The following MCM9 variants were observed in gnomAD, a reference collection of about 807,000 sequenced individuals.
MCM9 encodes DNA helicase MCM9.
MCM9 carries 55 observed loss-of-function variants against 72.8 expected under a neutral mutation model. The ratio of observed to expected loss-of-function variants is 0.76; its 90% CI spans 0.61 to 0.95. The LOEUF (loss-of-function observed/expected upper bound fraction) is 0.95, where lower values mean the gene tolerates loss of function less well. Ranked by LOEUF, MCM9 falls within the 40% of genes least tolerant of loss-of-function variation. MCM9 has a pLI of 0.00. For synonymous variants in MCM9, 480 were observed against 503.4 expected (o/e 0.95, Z 0.62); for missense variants, 1,279 against 1,377.0 (o/e 0.93, Z 1.13).
rs549202343 is a variant in MCM9 at position 118,829,373 on chromosome 6, T to C, written c.1326-123A>G. The C allele has an allele frequency of 8.7e-5, 74 of 846,244 alleles. No individual in the cohort carries two copies. In the African/African-American group the frequency reaches 1.2e-3, roughly 14 times the overall value. 52.4% of individuals were successfully genotyped at this position (846,244 alleles called of 1,614,324 possible). A position where few individuals can be genotyped will look rare whatever the true frequency, so the allele number is the denominator to read the frequency against. On this transcript the variant is annotated intron_variant, in intron 9 of 13. Coordinates refer to ENST00000619706, the MANE Select transcript of MCM9 (RefSeq NM_017696.3). ...ATCTACGAACTCCTATGAAAGAAAA[T>C]GTAGAATGACAGAAGGAGATATCAC...
intron 8 of MCM9, among the ~76,000 whole-genome samples, chr6:118,859,545 A>G (rs749872287): frequency 7.2e-5 from 11 of 152,364 alleles, no homozygotes; most frequent in Middle Eastern, 6.8e-3. Context: ...TCATGAGCAT[A>G]AACTTTTATG....
intron 2 of MCM9, among the ~76,000 whole-genome samples, 155 bp from the exon 3 acceptor site, chr6:118,931,893 C>T (rs889775009): frequency 6.6e-6 from 1 of 152,186 alleles, no homozygotes; most frequent in Non-Finnish European, 1.5e-5. Context: ...TCTGAATTAT[C>T]TGTTACAGTC....
chr6:118,816,011 C>G lies in MCM9; in HGVS notation c.2245G>C (p.Ala749Pro), dbSNP rs561450582. Residue 749 changes from alanine to proline, a missense_variant, in exon 14 of 14, where the codon GCA becomes CCA. Coordinates refer to ENST00000619706, the MANE Select transcript of MCM9 (RefSeq NM_017696.3). ...DDSLDWFDFM[A>P]THQSEPKNTV... ...TTTTTAGGTTCACTCTGATGAGTTG[C>G]CATGAAATCAAACCAATCTAAACTG... 1.9e-6 allele frequency: 3 copies of G among 1,550,502 alleles called. No homozygotes were observed. In the African/African-American group the frequency reaches 4.1e-5, roughly 21 times the overall value.
intron 8 of MCM9, among the ~76,000 whole-genome samples, chr6:118,904,896 A>C (rs750018330): frequency 4.6e-5 from 7 of 152,150 alleles, no homozygotes; most frequent in Non-Finnish European, 1.0e-4. Context: ...GGAGTGCAGT[A>C]GTGCGATCTC....
rs896044432 is a variant in MCM9 at position 118,935,085 on chromosome 6, T to G, written c.-344A>C. The stretch of plus-strand genomic sequence containing the variant: ...TCGGGCGGCCTAGCGCCTGCGGCTC[T>G]GCCGGGCCTGCGCTCTCGACCGACG... On this transcript the variant is annotated 5_prime_UTR_variant, in exon 1 of 14. Transcript: ENST00000619706. The G allele has an allele frequency of 6.6e-6, 1 of 152,032 alleles. No individual in the cohort carries two copies. Among genetic ancestry groups the G allele is most frequent in the African/African-American group, 2.4e-5 (1 of 41,410 alleles). 9.4% of individuals were successfully genotyped at this position (152,032 alleles called of 1,614,324 possible). A position where few individuals can be genotyped will look rare whatever the true frequency, so the allele number is the denominator to read the frequency against.
At chr6:118,906,998 A>G (rs1034212493) in intron 8 of MCM9, among the ~76,000 whole-genome samples, 2 of 152,224 alleles carry the variant, frequency 1.3e-5, no homozygotes, top group African/African-American at 2.4e-5. Flanking sequence ...ACCATTAATA[A>G]TAAGTTGTAT....
chr6:118,821,189 A>C (rs1468062194), intron 13 of MCM9, among the ~76,000 whole-genome samples: 1 of 152,142 alleles, frequency 6.6e-6, no homozygotes, highest in African/African-American at 2.4e-5. Context: ...GTCAATTTGC[A>C]CATTAGTTGA....
chr6:118,911,048 T>A (rs1160861947), intron 8 of MCM9: 4 of 983,530 alleles, frequency 4.1e-6, no homozygotes, highest in Non-Finnish European at 4.8e-6. Context: ...ACATATTTTT[T>A]AAAATAATTT....
intron 9 of MCM9, among the ~76,000 whole-genome samples, chr6:118,831,814 A>G (rs1316453781): frequency 6.6e-6 from 1 of 152,192 alleles, no homozygotes; most frequent in Non-Finnish European, 1.5e-5. Context: ...TACATTTTTA[A>G]TATCAAGCAA....
At chr6:118,867,276 C>T (rs1272803697) in intron 8 of MCM9, among the ~76,000 whole-genome samples, 1 of 152,012 alleles carries the variant, frequency 6.6e-6, no homozygotes, top group East Asian at 1.9e-4. Context: ...AACAGTGGTC[C>T]CATAAAATTA....
intron 9 of MCM9, among the ~76,000 whole-genome samples, chr6:118,837,887 T>C (rs950342280): frequency 4.1e-4 from 62 of 152,346 alleles, no homozygotes; most frequent in African/African-American, 1.4e-3. Context: ...TATGTGTGAA[T>C]TTGATCCTGT....
At chr6:118,846,176 C>G (rs1212771011) in intron 9 of MCM9, among the ~76,000 whole-genome samples, 2 of 151,780 alleles carry the variant, frequency 1.3e-5, no homozygotes, top group Non-Finnish European at 2.9e-5. Flanking sequence ...TACTTATAGC[C>G]ATACTTCAAC....
intron 8 of MCM9, among the ~76,000 whole-genome samples, chr6:118,906,961 A>G (rs1462955159): frequency 1.3e-5 from 2 of 152,216 alleles, no homozygotes; most frequent in Non-Finnish European, 2.9e-5. Flanking sequence ...GTTTCTAAGA[A>G]TGAGCCATCT....
chr6:118,914,111 G>A (rs1445531028), intron 6 of MCM9, among the ~76,000 whole-genome samples: 2 of 152,190 alleles, frequency 1.3e-5, no homozygotes, highest in South Asian at 2.1e-4. Flanking sequence ...CATTTGCTCT[G>A]AGCAGTCTGG....
chr6:118,815,656 G>C lies in MCM9; in HGVS notation c.2600C>G (p.Pro867Arg), dbSNP rs1459997124. ...QKLCRNSTRV[P>R]AQCTVPSHPQ... ...ATGGGAAGGGACTGTGCACTGTGCA[G>C]GCACCCTGGTGCTATTTCTGCACAA... Residue 867 changes from proline (P) to arginine (R), a missense_variant, in exon 14 of 14, where the codon CCT (proline) becomes CGT (arginine). By Grantham distance (103) the Pro-to-Arg change is moderately radical (BLOSUM62 -2). Transcript: ENST00000619706. The C allele has an allele frequency of 6.5e-7, 1 of 1,550,018 alleles. No individual in the cohort carries two copies.
At chr6:118,898,949 C>T (rs774141744) in intron 8 of MCM9, among the ~76,000 whole-genome samples, 2 of 152,010 alleles carry the variant, frequency 1.3e-5, no homozygotes, top group African/African-American at 2.4e-5. Context: ...AATTTTTATC[C>T]TGCCTATTCA....
At chr6:118,870,237 G>A (rs145678929) in intron 8 of MCM9, among the ~76,000 whole-genome samples, 11,625 of 152,114 alleles carry the variant, frequency 0.076, 685 homozygotes, top group East Asian at 0.19. Flanking sequence ...TCTCCAAGAC[G>A]CATCACATGT....
At chr6:118,905,909 T>A in intron 8 of MCM9, 1 of 1,053,624 alleles carries the variant, frequency 9.5e-7, no homozygotes, top group Non-Finnish European at 1.3e-6. Context: ...CATAGTATAC[T>A]ATTAAAATGG....
Position 118,846,345 on chromosome 6 carries a change from C to G in MCM9, c.1325+10026G>C, listed in dbSNP as rs189042701. On this transcript the variant is annotated intron_variant, in intron 9 of 13. Transcript: ENST00000619706. The stretch of plus-strand genomic sequence containing the variant: ...ACACCAGAAACCAGCAAAGCTAACT[C>G]TAGAGCCCTTACTGGAGTGGAAAGA... 2.6e-5 allele frequency among the ~76,000 whole-genome samples: 4 copies of G among 151,978 alleles called. No individual in the cohort carries two copies. The East Asian group carries it at 7.7e-4, about 29-fold the overall frequency.
Sources: gnomAD v4.1 joint callset for allele counts (sites outside exome capture counted in the v4.1 genomes callset) on GRCh38, gnomAD v4.1.1 for gene constraint, MANE v1.5 for transcripts, NCBI Gene and HGNC (gene_info 2026-07-23, HGNC 2026-07-21) for gene names.